Variants in CASZ1 observed in about 807,000 individuals in gnomAD.
The protein encoded by CASZ1 is zinc finger protein castor homolog 1.
CASZ1 carries 28 observed loss-of-function variants against 135.2 expected under a neutral mutation model. The observed-to-expected ratio is 0.21, with a 90% CI of 0.15 to 0.28. The LOEUF (loss-of-function observed/expected upper bound fraction) is 0.28, where lower values mean the gene tolerates loss of function less well. Ranked by LOEUF, CASZ1 falls within the 10% of genes least tolerant of loss-of-function variation. The pLI, the probability that CASZ1 is intolerant of heterozygous loss-of-function variation, is 1.00. For missense variants in CASZ1, 2,161 were observed against 2,453.3 expected (o/e 0.88, Z 2.52); for synonymous variants, 1,068 against 1,073.4 (o/e 0.99, Z 0.10).
At chr1:10,641,469 A>C (rs1030925936) in intron 20 of CASZ1, among the ~76,000 whole-genome samples, 2 of 152,026 alleles carry the variant, frequency 1.3e-5, no homozygotes, top group African/African-American at 4.8e-5. Flanking sequence ...CCCGGTGGGT[A>C]TCAGATATGG....
At chr1:10,738,930 T>TG (rs1639857645) in intron 2 of CASZ1, among the ~76,000 whole-genome samples, 1 of 149,444 alleles carries the variant, frequency 6.7e-6, no homozygotes, top group Non-Finnish European at 1.5e-5. Context: ...TTTTTTTTTT[T>TG]TTTTTTTTTT....
chr1:10,751,707 C>T (rs76801473), intron 2 of CASZ1, among the ~76,000 whole-genome samples: 2,350 of 152,304 alleles, frequency 0.015, 62 homozygotes, highest in African/African-American at 0.054. Flanking sequence ...GCGGCACCCC[C>T]GGCCCCCTTC....
At chr1:10,674,193 T>G (rs1353462546) in intron 4 of CASZ1, among the ~76,000 whole-genome samples, 1 of 152,178 alleles carries the variant, frequency 6.6e-6, no homozygotes, top group Non-Finnish European at 1.5e-5. Flanking sequence ...GTCAGGGCAT[T>G]GGCCACCATC....
chr1:10,779,958 T>A (rs1640733997), intron 1 of CASZ1, among the ~76,000 whole-genome samples: 1 of 151,614 alleles, frequency 6.6e-6, no homozygotes, highest in Non-Finnish European at 1.5e-5. Flanking sequence ...GGCCTGGGAG[T>A]GTGTACCTGG....
At chr1:10,698,867 T>C (rs1195341374) in intron 3 of CASZ1, among the ~76,000 whole-genome samples, 2 of 152,210 alleles carry the variant, frequency 1.3e-5, no homozygotes, top group South Asian at 2.1e-4. Flanking sequence ...TCTTGGCCCA[T>C]GAATTGGGCT....
At chr1:10,746,405 A>C (rs1640041197) in intron 2 of CASZ1, among the ~76,000 whole-genome samples, 1 of 152,172 alleles carries the variant, frequency 6.6e-6, no homozygotes. Flanking sequence ...ACAGGCTGTA[A>C]ACGGCTCCAA....
intron 4 of CASZ1, among the ~76,000 whole-genome samples, chr1:10,680,267 G>A (rs1297268924): frequency 7.5e-6 from 1 of 133,832 alleles, no homozygotes; most frequent in Non-Finnish European, 1.7e-5. Flanking sequence ...GGATGGCACG[G>A]GGCGGGGCGG....
chr1:10,695,710 G>C (rs1468473859), intron 3 of CASZ1, among the ~76,000 whole-genome samples: 1 of 152,074 alleles, frequency 6.6e-6, no homozygotes, highest in East Asian at 1.9e-4. Flanking sequence ...TGCCAGAGAA[G>C]GCAGTTTGAG....
chr1:10,649,582 C>G, intron 13 of CASZ1, 145 bp from the exon 14 acceptor site: 1 of 904,430 alleles, frequency 1.1e-6, no homozygotes, highest in South Asian at 1.8e-5. Flanking sequence ...CTACTTGGCT[C>G]TGGCTGTGGC....
chr1:10,653,153 G>C, intron 11 of CASZ1: 1 of 627,024 alleles, frequency 1.6e-6, no homozygotes, highest in Non-Finnish European at 2.9e-6. Flanking sequence ...CACAGATGGG[G>C]AAACAGAAGC....
At chr1:10,729,756 G>A (rs1639670020) in intron 2 of CASZ1, among the ~76,000 whole-genome samples, 2 of 152,258 alleles carry the variant, frequency 1.3e-5, no homozygotes, top group Non-Finnish European at 2.9e-5. Context: ...TGTGTGAGAA[G>A]GCATGTGTTC....
At position 10,694,471 on chromosome 1, in the gene CASZ1, C is replaced by G; in HGVS notation, c.-23-559G>C. Reference sequence around the variant, plus strand: ...AGTTTGGCAGGAGGGAGCGGGCGGGCGGGCGCGGCCGGGGGCGCTGCCAGG... The same window carrying G: ...AGTTTGGCAGGAGGGAGCGGGCGGGGGGGCGCGGCCGGGGGCGCTGCCAGG... On this transcript the variant is annotated intron_variant, in intron 3 of 20. Transcript: ENST00000377022. The surrounding 1 kb of genome is among the most constrained non-coding windows in gnomAD (Gnocchi z 6.6). The G allele has an allele frequency of 6.4e-6, 1 of 156,312 alleles. No homozygotes were observed. The highest frequency in any genetic ancestry group is 1.3e-5 in the Non-Finnish European group (1 of 75,402). The allele number at this position is 156,312 out of a possible 1,614,324, so 9.7% of individuals were successfully genotyped here.
chr1:10,752,817 C>G (rs1295617159), intron 2 of CASZ1, among the ~76,000 whole-genome samples: 2 of 152,222 alleles, frequency 1.3e-5, no homozygotes, highest in Admixed American at 1.3e-4. Context: ...GGGTGGATCA[C>G]CTGAGGTCAG....
chr1:10,784,426 G>A (rs1253566322), intron 1 of CASZ1, among the ~76,000 whole-genome samples: 2 of 152,242 alleles, frequency 1.3e-5, no homozygotes, highest in Non-Finnish European at 2.9e-5. Flanking sequence ...CAGCTGAAAT[G>A]TGGCTCGTTC....
chr1:10,650,877 C>A, intron 12 of CASZ1, 64 bp downstream of exon 12: 9 of 1,605,290 alleles, frequency 5.6e-6, no homozygotes, highest in Non-Finnish European at 7.6e-6. Context: ...GGCGGGACCA[C>A]CCCGGGGCTC....
Position 10,658,528 on chromosome 1 carries a change from A to G in CASZ1, c.1389T>C (p.Ile463=), listed in dbSNP as rs1261598318. 6.2e-7 allele frequency: 1 copy of G among 1,613,986 alleles called. No individual in the cohort carries two copies. Among genetic ancestry groups the G allele is most frequent in the Non-Finnish European group, 8.5e-7 (1 of 1,179,928 alleles). Residue 463 remains isoleucine, a synonymous_variant, in exon 7 of 21, where the codon ATT becomes ATC. Transcript: ENST00000377022. ...CCTACCTGGCAATATATTTCTGGTA[A>G]ATGTTTACATCTTCAGTGACGGCTG... ...DKPAVTEDVN[I]YQKYIARFSG... is the part of the protein sequence containing the mutation.
At chr1:10,737,727 C>T (rs1639827299) in intron 2 of CASZ1, among the ~76,000 whole-genome samples, 1 of 152,228 alleles carries the variant, frequency 6.6e-6, no homozygotes, top group African/African-American at 2.4e-5. Context: ...CCCGGGCCTC[C>T]CACTCACCAA....
chr1:10,726,760 TG>T lies in CASZ1; in HGVS notation c.-76-21217del, dbSNP rs1291344106. The stretch of plus-strand genomic sequence containing the variant: ...GCCCAGCCAAGGCCGCTCTGGTCCC[TG>T]GGGGGTCCTTGCTGCAGCAATCACC... On this transcript the variant is annotated intron_variant, in intron 2 of 20. Transcript: ENST00000377022. The surrounding 1 kb of genome is among the most constrained non-coding windows in gnomAD (Gnocchi z 5.7). 2.0e-5 allele frequency among the ~76,000 whole-genome samples: 3 copies of T among 152,114 alleles called. No individual in the cohort carries two copies. The highest frequency in any genetic ancestry group is 2.9e-5 in the Non-Finnish European group (2 of 68,010).
At chr1:10,750,257 C>T (rs1354937130) in intron 2 of CASZ1, among the ~76,000 whole-genome samples, 1 of 152,080 alleles carries the variant, frequency 6.6e-6, no homozygotes, top group Non-Finnish European at 1.5e-5. Flanking sequence ...CGCTGCTTTG[C>T]TTCGATTTTC....
Sources: gnomAD v4.1 joint callset for allele counts (sites outside exome capture counted in the v4.1 genomes callset) on GRCh38, gnomAD v4.1.1 for gene constraint, Gnocchi (gnomAD v3.1) non-coding constraint, MANE v1.5 for transcripts, NCBI Gene and HGNC (gene_info 2026-07-23, HGNC 2026-07-21) for gene names.